Variants in MCTP1 observed in about 807,000 individuals in gnomAD.
MCTP1 encodes the protein multiple C2 and transmembrane domain-containing protein 1.
A neutral mutation model predicts 120.6 loss-of-function variants in MCTP1; 69 were observed. That is an observed-to-expected ratio of 0.57 (90% CI 0.47 to 0.70). The LOEUF (loss-of-function observed/expected upper bound fraction) is 0.70. MCTP1 is among the 30% of genes least tolerant of loss of function. The pLI, the probability that MCTP1 is intolerant of heterozygous loss-of-function variation, is 0.00. For missense variants in MCTP1, 1,203 were observed against 1,248.8 expected, an observed-to-expected ratio of 0.96 and a Z score of 0.55; for synonymous variants, 529 against 493.1, an observed-to-expected ratio of 1.07 and a Z score of -0.96.
chr5:94,754,635 C>T (rs777412572), intron 19 of MCTP1, among the ~76,000 whole-genome samples: 20 of 152,116 alleles, frequency 1.3e-4, no homozygotes, highest in Non-Finnish European at 2.2e-4. Context: ...CTAAACAGTC[C>T]GATCAGTCTT....
chr5:94,938,490 C>T (rs888240501), intron 5 of MCTP1, among the ~76,000 whole-genome samples: 3 of 152,014 alleles, frequency 2.0e-5, no homozygotes, highest in Non-Finnish European at 4.4e-5. Flanking sequence ...TTTATTAAGG[C>T]CTATTTTACA....
chr5:94,914,733 C>G (rs574670989), intron 8 of MCTP1, among the ~76,000 whole-genome samples: 1 of 152,364 alleles, frequency 6.6e-6, no homozygotes, highest in South Asian at 2.1e-4. Context: ...ATGCCCACTT[C>G]AGCTGGAGCC....
At chr5:95,221,580 T>C (rs1753702397) in intron 1 of MCTP1, among the ~76,000 whole-genome samples, 1 of 152,222 alleles carries the variant, frequency 6.6e-6, no homozygotes, top group Admixed American at 6.5e-5. Flanking sequence ...ACATCACCAC[T>C]ACCATGCTTC....
In MCTP1 at chr5:94,705,486, C is replaced by G. The variant is rs900184774; in HGVS notation, c.*2010G>C. ...AGTTTTTAAGAATATGCACACAATC[C>G]CTCATCAATCTCTGAACCACCAAAA... is the stretch of plus-strand genomic sequence containing the variant. On this transcript the variant is annotated 3_prime_UTR_variant, in exon 23 of 23. Transcript: ENST00000515393. 10 of 145,552 alleles carry G rather than the reference C, an allele frequency of 6.9e-5. No homozygotes were observed. The highest frequency in any genetic ancestry group is 1.2e-4 in the Non-Finnish European group (8 of 66,052). 9.0% of individuals were successfully genotyped at this position (145,552 alleles called of 1,614,324 possible). A position where few individuals can be genotyped will look rare whatever the true frequency, so the allele number is the denominator to read the frequency against.
At chr5:94,982,978 T>C (rs990089015) in intron 2 of MCTP1, among the ~76,000 whole-genome samples, 1 of 150,114 alleles carries the variant, frequency 6.7e-6, no homozygotes, top group Non-Finnish European at 1.5e-5. Flanking sequence ...CTCTACTTGA[T>C]AGCATAAACA....
At chr5:94,924,162 T>C in intron 6 of MCTP1, 141 bp from the exon 7 acceptor site, 11 of 452,672 alleles carry the variant, frequency 2.4e-5, no homozygotes, top group Non-Finnish European at 4.2e-5. Flanking sequence ...TTAGAAACTG[T>C]AAGTTTTCTT....
At chr5:94,917,274 G>A (rs469968) in intron 8 of MCTP1, among the ~76,000 whole-genome samples, 41,304 of 152,002 alleles carry the variant, frequency 0.27, 5,909 homozygotes, top group African/African-American at 0.34. Context: ...TTAGTTTTCT[G>A]AGGTAATGCT....
intron 1 of MCTP1, among the ~76,000 whole-genome samples, chr5:95,210,580 G>A (rs1752233678): frequency 6.7e-6 from 1 of 148,832 alleles, no homozygotes; most frequent in Non-Finnish European, 1.5e-5. Context: ...CTGCATGTGA[G>A]ATGGGTTTCC....
chr5:95,244,870 G>A (rs1043416086), intron 1 of MCTP1, among the ~76,000 whole-genome samples: 6 of 152,112 alleles, frequency 3.9e-5, no homozygotes, highest in East Asian at 3.9e-4. Context: ...CTCCAAGAAC[G>A]GTCAGACTGC....
At chr5:95,225,139 G>C (rs752675693) in intron 1 of MCTP1, among the ~76,000 whole-genome samples, 1 of 152,076 alleles carries the variant, frequency 6.6e-6, no homozygotes, top group African/African-American at 2.4e-5. Context: ...GCTCATAGGT[G>C]TCTCATACCA....
intron 1 of MCTP1, among the ~76,000 whole-genome samples, chr5:95,248,953 A>T (rs1757100574): frequency 6.6e-6 from 1 of 152,194 alleles, no homozygotes; most frequent in South Asian, 2.1e-4. Context: ...AAAACTGGCT[A>T]ACCATAGGTA....
At chr5:95,066,157 A>G (rs958474456) in intron 1 of MCTP1, among the ~76,000 whole-genome samples, 1 of 152,216 alleles carries the variant, frequency 6.6e-6, no homozygotes, top group African/African-American at 2.4e-5. Context: ...CAGCTTAGTA[A>G]CAAGAAACCA....
chr5:94,779,422 G>T (rs1776125205), intron 18 of MCTP1, among the ~76,000 whole-genome samples: 2 of 152,064 alleles, frequency 1.3e-5, no homozygotes, highest in Admixed American at 6.6e-5. Flanking sequence ...TATGCATAAG[G>T]TAAACCAATA....
intron 1 of MCTP1, among the ~76,000 whole-genome samples, chr5:95,256,891 A>T (rs1346967336): frequency 6.6e-6 from 1 of 152,298 alleles, no homozygotes; most frequent in South Asian, 2.1e-4. Context: ...CTTTAATGAC[A>T]CTGTCTTGTT....
intron 17 of MCTP1, among the ~76,000 whole-genome samples, chr5:94,799,617 C>A (rs1780780396): frequency 1.3e-5 from 2 of 151,972 alleles, no homozygotes. Context: ...AAGACAGCCC[C>A]AAAGATTTCA....
intron 1 of MCTP1, among the ~76,000 whole-genome samples, chr5:95,157,862 T>C (rs1287814403): frequency 6.6e-6 from 1 of 152,210 alleles, no homozygotes; most frequent in East Asian, 1.9e-4. Flanking sequence ...TTATTGTTTA[T>C]GGCTGTTTTC....
chr5:94,992,397 C>A (rs1831754196), intron 2 of MCTP1, among the ~76,000 whole-genome samples: 1 of 152,024 alleles, frequency 6.6e-6, no homozygotes, highest in African/African-American at 2.4e-5. Context: ...CTCTTTAGAA[C>A]AAGTGTAGGA....
intron 17 of MCTP1, among the ~76,000 whole-genome samples, chr5:94,838,980 C>A (rs1050543624): frequency 1.3e-5 from 2 of 152,150 alleles, no homozygotes; most frequent in Non-Finnish European, 2.9e-5. Context: ...CATTATAATT[C>A]TTCCCACTAT....
intron 1 of MCTP1, among the ~76,000 whole-genome samples, chr5:95,051,696 A>G (rs1745952585): frequency 6.6e-6 from 1 of 152,218 alleles, no homozygotes; most frequent in Admixed American, 6.5e-5. Context: ...AAAAGTACAA[A>G]TTGAAAGAAT....
Sources: allele counts gnomAD v4.1 joint callset (sites outside exome capture counted in the v4.1 genomes callset), GRCh38; gene constraint gnomAD v4.1.1; transcripts MANE v1.5; gene names NCBI Gene and HGNC (gene_info 2026-07-23, HGNC 2026-07-21).